Variants in PDZD7 observed in about 807,000 individuals in gnomAD.
PDZD7 encodes PDZ domain containing 7.
A neutral mutation model predicts 84.7 loss-of-function variants in PDZD7; 72 were observed. That is an observed-to-expected ratio of 0.85 (90% CI 0.70 to 1.03). PDZD7 has a LOEUF of 1.03. Among genes scored for constraint, PDZD7 ranks in the 50% least tolerant of loss-of-function variants. The probability of loss-of-function intolerance (pLI) is 0.00; values close to 1 mark genes in which losing one functional copy is unlikely to be tolerated. For missense variants in PDZD7, 1,490 were observed against 1,412.9 expected (o/e 1.05, Z -0.87); for synonymous variants, 594 against 580.7 (o/e 1.02, Z -0.33).
rs190260410 is a variant in PDZD7 at position 101,010,171 on chromosome 10, A to G, written c.2617+101T>C. The stretch of plus-strand genomic sequence containing the variant: ...CAGCCTCCCAAAGTGCTGGGGTTAC[A>G]GGTGTGAGCCTCTGCGCCTGGCCCA... On this transcript the variant is annotated intron_variant, in intron 15 of 16. Transcript: ENST00000619208. The G allele has an allele frequency of 1.0e-5, 14 of 1,377,786 alleles. 1 individual carries two copies. In the Admixed American group the frequency reaches 3.5e-4, roughly 35 times the overall value. 85.3% of individuals were successfully genotyped at this position (1,377,786 alleles called of 1,614,324 possible).
At position 101,022,361 on chromosome 10, in the gene PDZD7, C is replaced by G; in HGVS notation, c.567G>C (p.Leu189=). 6.2e-7 allele frequency: 1 copy of G among 1,614,150 alleles called. No homozygotes were observed. The highest frequency in any genetic ancestry group is 8.5e-7 in the Non-Finnish European group (1 of 1,180,032). Residue 189 remains leucine, a synonymous_variant, in exon 5 of 17, where the codon CTG becomes CTC. Coordinates refer to ENST00000619208, the MANE Select transcript of PDZD7 (RefSeq NM_001195263.2). ...GTGTTGAACCGCACTTCTCCACTAC[C>G]AGGCGCCGATTCACCACATCCACCC... The part of the protein sequence containing the change: ...TTWVDVVNRR[L]VVEKCGSTPS...
At chr10:101,027,852 G>A (rs978382668) in intron 2 of PDZD7, among the ~76,000 whole-genome samples, 2 of 152,196 alleles carry the variant, frequency 1.3e-5, no homozygotes, top group African/African-American at 4.8e-5. Context: ...TTTTGAATAA[G>A]TGAAAGAATA....
rs775207635 is a variant in PDZD7, at chr10:101,023,898, C to T, written c.367+30G>A. On this transcript the variant is annotated intron_variant, in intron 3 of 16. Transcript: ENST00000619208. Reference sequence around the variant, plus strand: ...ACTGAGATTGGAGTCACATCCTAAGCGTGGACTTCAGCCTGGGGGTTCTGC... The same window carrying T: ...ACTGAGATTGGAGTCACATCCTAAGTGTGGACTTCAGCCTGGGGGTTCTGC... 4.6e-5 allele frequency: 75 copies of T among 1,614,080 alleles called. 1 individual carries two copies. Among genetic ancestry groups the T allele is most frequent in the Non-Finnish European group, 5.8e-5 (69 of 1,180,040 alleles).
In PDZD7 at chr10:101,008,492, G is replaced by A. The variant is rs1852288596; in HGVS notation, c.3077C>T (p.Pro1026Leu). Residue 1026 changes from proline to leucine, a missense_variant, in exon 17 of 17, where the codon CCC becomes CTC. Physicochemically the swap from Pro to Leu is moderately conservative, Grantham distance 98. Transcript: ENST00000619208. ...TCATGGGATGCGTGGGGAGGGTGCG[G>A]GCTTAGAATCAGGAGTCTGGAGGGC... ...SPALQTPDSK[P>L]APSPRIP 2.0e-6 allele frequency: 3 copies of A among 1,528,680 alleles called. No individual in the cohort carries two copies. The East Asian group carries it at 7.3e-5, about 37-fold the overall frequency. The allele number at this position is 1,528,680 out of a possible 1,614,324, so 94.7% of individuals were successfully genotyped here.
Position 101,010,479 on chromosome 10 carries a change from C to T in PDZD7, c.2410G>A (p.Ala804Thr), listed in dbSNP as rs766555446. 1.6e-5 allele frequency: 24 copies of T among 1,535,244 alleles called. 1 individual carries two copies. In the South Asian group the frequency reaches 2.4e-4, roughly 15 times the overall value. ...RRSPSPVPTPAPSMTNGRYHK... is the reference protein window; with the variant it reads ...RRSPSPVPTPTPSMTNGRYHK... ...TAGCGCCCATTGGTCATGCTGGGGG[C>T]AGGGGTAGGCACCGGGGATGGGGAG... The change falls in exon 15 of 17, where the codon GCC becomes ACC. Residue 804 changes from alanine to threonine, a missense_variant. Ala to Thr is a moderately conservative substitution (Grantham distance 58). Coordinates refer to ENST00000619208, the MANE Select transcript of PDZD7 (RefSeq NM_001195263.2).
chr10:101,010,533 G>A lies in PDZD7; in HGVS notation c.2356C>T (p.Arg786Trp), dbSNP rs1363537692. 4.0e-5 allele frequency: 58 copies of A among 1,439,088 alleles called. No individual in the cohort carries two copies. Among genetic ancestry groups the A allele is most frequent in the African/African-American group, 5.7e-5 (4 of 70,292 alleles). The allele number at this position is 1,439,088 out of a possible 1,614,324, so 89.1% of individuals were successfully genotyped here. A position where few individuals can be genotyped will look rare whatever the true frequency, so the allele number is the denominator to read the frequency against. The change falls in exon 15 of 17, where the codon CGG (arginine) becomes TGG (tryptophan). Residue 786 changes from arginine to tryptophan, a missense_variant. Physicochemically the swap from Arg to Trp is moderately radical, Grantham distance 101. Transcript: ENST00000619208. ...SRSRSRSRSSRGQGKSPGRRS... is the reference protein window; with the variant it reads ...SRSRSRSRSSWGQGKSPGRRS... ...CTACCTGGAGACTTGCCTTGACCCC[G>A]GCTGCTGCGGCTGCGGCTGCGGCTA...
Position 101,029,644 on chromosome 10 carries a change from A to C in PDZD7, c.226+350T>G, listed in dbSNP as rs577752943. 3.3e-5 allele frequency among the ~76,000 whole-genome samples: 5 copies of C among 152,298 alleles called. No individual in the cohort carries two copies. In the East Asian group the frequency reaches 9.7e-4, roughly 29 times the overall value. On this transcript the variant is annotated intron_variant, in intron 2 of 16. Coordinates refer to ENST00000619208, the MANE Select transcript of PDZD7 (RefSeq NM_001195263.2). ...ATCCTGCCCCATCCCCCAGAAGTAC[A>C]CACAATGGATCTGGAGAAGGGCAGA...
At chr10:101,020,586 C>T (rs1203599954) in intron 7 of PDZD7, 32 bp downstream of exon 7, 1 of 1,554,024 alleles carries the variant, frequency 6.4e-7, no homozygotes, top group African/African-American at 1.8e-5. Context: ...TCAGCCCTTT[C>T]CCTCCAACCT....
At chr10:101,020,535 G>T in intron 7 of PDZD7, 83 bp downstream of exon 7, 1 of 1,314,546 alleles carries the variant, frequency 7.6e-7, no homozygotes, top group Non-Finnish European at 1.1e-6. Flanking sequence ...ACCAAGCCTG[G>T]CCCTTTTCTT....
At chr10:101,019,353 C>A in intron 7 of PDZD7, 136 bp from the exon 8 acceptor site, 4 of 1,099,244 alleles carry the variant, frequency 3.6e-6, no homozygotes, top group South Asian at 1.6e-5. Context: ...TGGTGAGGAA[C>A]CCGCTGCTCC....
At chr10:101,020,058 A>G (rs1852992738) in intron 7 of PDZD7, among the ~76,000 whole-genome samples, 1 of 150,234 alleles carries the variant, frequency 6.7e-6, no homozygotes, top group Non-Finnish European at 1.5e-5. Context: ...CCTCCCAAGT[A>G]GCACAGACCA....
chr10:101,024,126 T>C (rs1431164193), intron 2 of PDZD7, 58 bp from the exon 3 acceptor site: 1 of 1,612,796 alleles, frequency 6.2e-7, no homozygotes, highest in African/African-American at 1.3e-5. Flanking sequence ...AGAGGGCCCC[T>C]GGGTTCCCCA....
chr10:101,011,093 C>T, intron 14 of PDZD7: 3 of 1,407,744 alleles, frequency 2.1e-6, no homozygotes, highest in Non-Finnish European at 2.8e-6. Flanking sequence ...GTTGCCCAGG[C>T]GTGGTGGCGC....
intron 7 of PDZD7, 130 bp from the exon 8 acceptor site, chr10:101,019,347 G>A: frequency 8.6e-7 from 1 of 1,168,058 alleles, no homozygotes; most frequent in Non-Finnish European, 1.2e-6. Flanking sequence ...CCGCAGTGGT[G>A]AGGAACCCGC....
chr10:101,015,824 A>G lies in PDZD7; in HGVS notation c.1574-13T>C. 6.5e-7 allele frequency: 1 copy of G among 1,544,170 alleles called. No homozygotes were observed. Among genetic ancestry groups the G allele is most frequent in the Non-Finnish European group, 8.7e-7 (1 of 1,143,322 alleles). On this transcript the variant is annotated splice_polypyrimidine_tract_variant and intron_variant, in intron 10 of 16. Transcript: ENST00000619208. ...CCCCTCTCCTGGTCTGCAGGGCAGG[A>G]ACCATCAGGGGAGGGGAGAGGGGCT...
rs189423807 is a variant in PDZD7, at chr10:101,022,159, A to T, written c.719+50T>A. Reference sequence around the variant, plus strand: ...CACATCCCAGCCTAGGCCCCACTCCAGACCCCATTCTCAGTTCTACCCGAA... The same window carrying T: ...CACATCCCAGCCTAGGCCCCACTCCTGACCCCATTCTCAGTTCTACCCGAA... On this transcript the variant is annotated intron_variant, in intron 5 of 16. Coordinates refer to ENST00000619208, the MANE Select transcript of PDZD7 (RefSeq NM_001195263.2). 172 of 1,609,506 alleles carry T rather than the reference A, an allele frequency of 1.1e-4. No individual in the cohort carries two copies. The African/African-American group carries it at 2.1e-3, about 19-fold the overall frequency.
chr10:101,018,200 C>T lies in PDZD7; in HGVS notation c.1421G>A (p.Gly474Glu), dbSNP rs924817371. 9.3e-6 allele frequency: 15 copies of T among 1,614,122 alleles called. No homozygotes were observed. Among genetic ancestry groups the T allele is most frequent in the Non-Finnish European group, 1.2e-5 (14 of 1,180,052 alleles). ...CCGCGCTAGCCTCCCCTGCCGCCCT[C>T]CCTTGAAGAAGAGGTTCATCAGCGT... ...SKTLMNLFFK[G>E]GRQGRLARDG... Residue 474 changes from glycine (G) to glutamate (E), a missense_variant, in exon 9 of 17, where the codon GGA (glycine) becomes GAA (glutamate). Coordinates refer to ENST00000619208, the MANE Select transcript of PDZD7 (RefSeq NM_001195263.2).
At chr10:101,009,565 T>G (rs1852320792) in intron 15 of PDZD7, among the ~76,000 whole-genome samples, 1 of 150,498 alleles carries the variant, frequency 6.6e-6, no homozygotes, top group Non-Finnish European at 1.5e-5. Flanking sequence ...ATACCCCAAA[T>G]TCCCTTTTAT....
At position 101,021,783 on chromosome 10, in the gene PDZD7, C is replaced by T; in HGVS notation, c.867+15G>A. On this transcript the variant is annotated intron_variant, in intron 6 of 16. Coordinates refer to ENST00000619208, the MANE Select transcript of PDZD7 (RefSeq NM_001195263.2). ...CTCTAGCCTCACCTCTCCCTACCCCCACTGTTCTGCCCACCTTGATGGTCA... is the reference window on the plus strand; with the variant it reads ...CTCTAGCCTCACCTCTCCCTACCCCTACTGTTCTGCCCACCTTGATGGTCA... The T allele has an allele frequency of 1.9e-6, 3 of 1,614,202 alleles. No individual in the cohort carries two copies. Among genetic ancestry groups the T allele is most frequent in the East Asian group, 2.2e-5 (1 of 44,880 alleles).
Sources: allele counts gnomAD v4.1 joint callset (sites outside exome capture counted in the v4.1 genomes callset), GRCh38; gene constraint gnomAD v4.1.1; transcripts MANE v1.5; gene names NCBI Gene and HGNC (gene_info 2026-07-23, HGNC 2026-07-21).